The following ESPL1 variants were observed in gnomAD, a reference collection of about 807,000 sequenced individuals.
ESPL1 encodes the protein separin.
Under a neutral mutation model 217.2 loss-of-function variants are expected in ESPL1, and 50 were observed. The ratio of observed to expected loss-of-function variants is 0.23; its 90% CI spans 0.18 to 0.29. The LOEUF is 0.29. ESPL1 is among the 10% of genes least tolerant of loss of function. ESPL1 has a pLI of 1.00. For missense variants in ESPL1, 1,834 were observed against 2,603.0 expected, an observed-to-expected ratio of 0.70 and a Z score of 6.43; for synonymous variants, 994 against 1,081.3, an observed-to-expected ratio of 0.92 and a Z score of 1.58.
Position 53,286,358 on chromosome 12 carries a change from CAT to C in ESPL1, c.3624_3625del (p.His1208GlnfsTer13). 6.2e-7 allele frequency: 1 copy of C among 1,614,216 alleles called. No individual in the cohort carries two copies. Among genetic ancestry groups the C allele is most frequent in the Non-Finnish European group, 8.5e-7 (1 of 1,180,040 alleles). On this transcript the variant is annotated frameshift_variant, in exon 18 of 31. Coordinates refer to ENST00000257934, the MANE Select transcript of ESPL1 (RefSeq NM_012291.5). LOFTEE classifies it high-confidence loss of function. This position sits in a 1 kb window ranked among gnomAD's most constrained non-coding sequence, Gnocchi z 5.3. ...LTQALQASLN[H>X]KTPPSLVPSL... ...CCAAGCTCTCCAAGCTTCCCTGAATCATAAAACACCCCCCTCCTTGGTTCCAA... is the reference window on the plus strand; with the variant it reads ...CCAAGCTCTCCAAGCTTCCCTGAATCAAAACACCCCCCTCCTTGGTTCCAA...
At chr12:53,284,575 G>A (rs1033450094) in intron 17 of ESPL1, among the ~76,000 whole-genome samples, 3 of 151,808 alleles carry the variant, frequency 2.0e-5, no homozygotes, top group Non-Finnish European at 4.4e-5. Context: ...TTTTTAATCA[G>A]ATACTGACTT....
chr12:53,289,427 C>T lies in ESPL1; in HGVS notation c.4946C>T (p.Ser1649Leu), dbSNP rs1285752169. Residue 1649 changes from serine (S) to leucine (L), a missense_variant, in exon 22 of 31, where the codon TCA becomes TTA. Around this residue, in one of 5 missense-constraint regions of ESPL1, gnomAD observed 681 missense variants for 808.0 expected, o/e 0.84. Coordinates refer to ENST00000257934, the MANE Select transcript of ESPL1 (RefSeq NM_012291.5). Reference protein sequence around the residue: ...QLSKAQKHRGSLEIADQLQGL... With the variant: ...QLSKAQKHRGLLEIADQLQGL... Reference sequence around the variant, plus strand: ...AGCAAGGCCCAGAAGCACCGAGGATCACTTGAAATAGCAGACCAGCTGCAG... The same window carrying T: ...AGCAAGGCCCAGAAGCACCGAGGATTACTTGAAATAGCAGACCAGCTGCAG... The T allele has an allele frequency of 1.2e-6, 2 of 1,613,846 alleles. No homozygotes were observed. Among genetic ancestry groups the T allele is most frequent in the African/African-American group, 1.3e-5 (1 of 74,952 alleles).
At chr12:53,274,468 T>G (rs1318700474) in intron 6 of ESPL1, 1 of 223,068 alleles carries the variant, frequency 4.5e-6, no homozygotes. Flanking sequence ...ATTAACCTGG[T>G]AGGTGACTGG....
rs373537189 is a variant in ESPL1, at chr12:53,286,618, G to A, written c.3882G>A (p.Trp1294Ter). The A allele has an allele frequency of 6.2e-7, 1 of 1,614,132 alleles. No individual in the cohort carries two copies. Among genetic ancestry groups the A allele is most frequent in the Non-Finnish European group, 8.5e-7 (1 of 1,180,036 alleles). The change falls in exon 18 of 31, where the codon TGG becomes TGA. Residue 1294 changes from tryptophan to a stop codon, truncating the protein, a stop_gained. Coordinates refer to ENST00000257934, the MANE Select transcript of ESPL1 (RefSeq NM_012291.5). LOFTEE classifies it high-confidence loss of function. The surrounding 1 kb of genome is among the most constrained non-coding windows in gnomAD (Gnocchi z 5.3). ...AACTTTTTGCAAGCTCCTGGGGCTGGCAGCCACCATTAATAAAAAGTGTCC... is the reference window on the plus strand; with the variant it reads ...AACTTTTTGCAAGCTCCTGGGGCTGACAGCCACCATTAATAAAAAGTGTCC... Reference protein sequence around the residue: ...TTQLFASSWGWQPPLIKSVPG... With the variant: ...TTQLFASSWG
chr12:53,270,574 C>A (rs897263726), intron 4 of ESPL1, 92 bp downstream of exon 4: 11 of 455,880 alleles, frequency 2.4e-5, no homozygotes, highest in Non-Finnish European at 3.0e-5. Flanking sequence ...GCTCCACTGC[C>A]CTCAAACAGC....
rs1190958191 is a variant in ESPL1, at chr12:53,291,830, C to A, written c.5661C>A (p.Ser1887Arg). 4 of 1,593,244 alleles carry A rather than the reference C, an allele frequency of 2.5e-6. No individual in the cohort carries two copies. The highest frequency in any genetic ancestry group is 1.1e-5 in the South Asian group (1 of 88,152). ...GTCTACAGGGCCTGACAGTACCAAG[C>A]AATAGCCACCTTGTCTTGGTCCTAG... ...VGRLQGLTVP[S>R]NSHLVLVLDK... Residue 1887 changes from serine to arginine, a missense_variant, in exon 26 of 31, where the codon AGC (serine) becomes AGA (arginine). By Grantham distance (110) the Ser-to-Arg change is moderately radical. Coordinates refer to ENST00000257934, the MANE Select transcript of ESPL1 (RefSeq NM_012291.5).
chr12:53,282,570 G>A lies in ESPL1; in HGVS notation c.2791+135G>A, dbSNP rs1304793411. ...CCTAGAACCTGCACAGAGTAGGCCT[G>A]GGATAGCAGATGGGTTTCAGTTTGC... On this transcript the variant is annotated intron_variant, in intron 14 of 30. Transcript: ENST00000257934. This position sits in a 1 kb window ranked among gnomAD's most constrained non-coding sequence, Gnocchi z 4.0. 1.6e-5 allele frequency: 12 copies of A among 744,864 alleles called. No individual in the cohort carries two copies. The highest frequency in any genetic ancestry group is 2.7e-5 in the East Asian group (1 of 36,760). 46.1% of individuals were successfully genotyped at this position (744,864 alleles called of 1,614,324 possible).
At chr12:53,290,592 A>T in intron 24 of ESPL1, 123 bp downstream of exon 24, 1 of 852,462 alleles carries the variant, frequency 1.2e-6, no homozygotes, top group East Asian at 3.7e-5. Context: ...GGAAGTGTAG[A>T]CCTAAATTTA....
In ESPL1 at chr12:53,274,920, G is replaced by T. The variant is rs760968100; in HGVS notation, c.1610G>T (p.Cys537Phe). ...VILWLAALQP[C>F]SPEHMAEPVT... ...TTGTGGCTGGCAGCCCTGCAACCCT[G>T]TAGCCCTGAACACATGGCTGAGCCA... Residue 537 changes from cysteine to phenylalanine, a missense_variant, in exon 7 of 31, where the codon TGT becomes TTT. Around this residue, in one of 5 missense-constraint regions of ESPL1, gnomAD observed 746 missense variants for 1,077.0 expected, o/e 0.69. Coordinates refer to ENST00000257934, the MANE Select transcript of ESPL1 (RefSeq NM_012291.5). The T allele has an allele frequency of 6.2e-7, 1 of 1,610,746 alleles. No homozygotes were observed. The highest frequency in any genetic ancestry group is 1.7e-5 in the Admixed American group (1 of 59,620).
chr12:53,279,556 G>C (rs1319883391), intron 11 of ESPL1, 176 bp from the exon 12 acceptor site: 2 of 720,470 alleles, frequency 2.8e-6, no homozygotes, highest in Non-Finnish European at 4.6e-6. Context: ...ATGATGAATG[G>C]CATCTAGGCT....
rs1301926212 is a variant in ESPL1, at chr12:53,292,081, T to C, written c.5789T>C (p.Ile1930Thr). The C allele has an allele frequency of 6.2e-7, 1 of 1,612,840 alleles. No individual in the cohort carries two copies. The highest frequency in any genetic ancestry group is 8.5e-7 in the Non-Finnish European group (1 of 1,178,962). ...SFRFLLSYSI[I>T]KEYGASPVLS... ...CGCTTCCTACTCAGCTACTCCATCA[T>C]CAAAGAGGTGGGGTTCAGGGCGTAG... Residue 1930 changes from isoleucine to threonine, a missense_variant, in exon 27 of 31, where the codon ATC becomes ACC. Ile to Thr is a moderately conservative substitution (Grantham distance 89). Transcript: ENST00000257934. The surrounding 1 kb of genome is among the most constrained non-coding windows in gnomAD (Gnocchi z 4.5).
rs1214125917 is a variant in ESPL1 at position 53,282,198 on chromosome 12, A to C, written c.2620-66A>C. The C allele has an allele frequency of 5.0e-6, 7 of 1,395,488 alleles. No individual in the cohort carries two copies. Among genetic ancestry groups the C allele is most frequent in the Non-Finnish European group, 6.1e-6 (6 of 986,216 alleles). The allele number at this position is 1,395,488 out of a possible 1,614,324, so 86.4% of individuals were successfully genotyped here. A position where few individuals can be genotyped will look rare whatever the true frequency, so the allele number is the denominator to read the frequency against. The stretch of plus-strand genomic sequence containing the variant: ...TCAGGGATGGGGCCACGTAATCTCC[A>C]GGGCCTCTCAAGCTCTGGAGTGCCT... On this transcript the variant is annotated intron_variant, in intron 13 of 30. Transcript: ENST00000257934. This position sits in a 1 kb window ranked among gnomAD's most constrained non-coding sequence, Gnocchi z 4.0.
intron 7 of ESPL1, 122 bp downstream of exon 7, chr12:53,275,132 T>C: frequency 4.2e-6 from 3 of 719,024 alleles, no homozygotes; most frequent in Non-Finnish European, 6.6e-6. Context: ...AAACCCCGTC[T>C]CTACTACAAA....
At chr12:53,278,980 T>G (rs1199987559) in intron 11 of ESPL1, among the ~76,000 whole-genome samples, 1 of 151,930 alleles carries the variant, frequency 6.6e-6, no homozygotes, top group Non-Finnish European at 1.5e-5. Context: ...CTCCACCTCC[T>G]GGGTTCAAGC....
At chr12:53,274,421 G>A (rs1384074395) in intron 6 of ESPL1, 1 of 177,022 alleles carries the variant, frequency 5.6e-6, no homozygotes, top group Admixed American at 5.6e-5. Flanking sequence ...AGCTGCACGA[G>A]GGATGGAATG....
At position 53,283,156 on chromosome 12, in the gene ESPL1, T is replaced by C; in HGVS notation, c.2819T>C (p.Ile940Thr). 1.9e-6 allele frequency: 3 copies of C among 1,614,226 alleles called. No individual in the cohort carries two copies. The highest frequency in any genetic ancestry group is 2.5e-6 in the Non-Finnish European group (3 of 1,180,032). ...QGWQTPEIAL[I>T]DSHKLLRSII... ...TGGCAGACACCTGAGATAGCTCTCA[T>C]AGACTCCCATAAGCTCCTCCGAAGC... The change falls in exon 15 of 31, where the codon ATA becomes ACA. Residue 940 changes from isoleucine to threonine, a missense_variant. Ile to Thr is a moderately conservative substitution (Grantham distance 89). Coordinates refer to ENST00000257934, the MANE Select transcript of ESPL1 (RefSeq NM_012291.5).
chr12:53,281,650 C>A, intron 13 of ESPL1, 24 bp downstream of exon 13: 1 of 1,604,378 alleles, frequency 6.2e-7, no homozygotes, highest in South Asian at 1.1e-5. Flanking sequence ...TCTTAAACTC[C>A]GAAGGCCCTG....
intron 18 of ESPL1, 90 bp from the exon 19 acceptor site, chr12:53,287,882 C>T: frequency 2.3e-6 from 3 of 1,308,242 alleles, no homozygotes; most frequent in Non-Finnish European, 2.1e-6. Context: ...GTGATGGTGC[C>T]TGATGGTGCC....
chr12:53,270,874 C>T (rs763375539), intron 5 of ESPL1, 76 bp downstream of exon 5: 76 of 1,541,706 alleles, frequency 4.9e-5, no homozygotes, highest in Admixed American at 8.8e-5. Flanking sequence ...GTACTTGCTG[C>T]GTGGTTCTGA....
Sources: allele counts gnomAD v4.1 joint callset (sites outside exome capture counted in the v4.1 genomes callset), GRCh38; gene constraint gnomAD v4.1.1; regional missense constraint gnomAD v4.1.1; non-coding constraint Gnocchi (gnomAD v3.1); transcripts MANE v1.5; gene names NCBI Gene and HGNC (gene_info 2026-07-23, HGNC 2026-07-21).